Variants in GMPPA observed in about 807,000 individuals in gnomAD.
GMPPA encodes mannose-1-phosphate guanylyltransferase regulatory subunit alpha.
Under a neutral mutation model 58.6 loss-of-function variants are expected in GMPPA, and 46 were observed. The ratio of observed to expected loss-of-function variants is 0.78; its 90% CI spans 0.62 to 1.00. GMPPA has a LOEUF of 1.00. Ranked by LOEUF, GMPPA falls within the 50% of genes least tolerant of loss-of-function variation. The pLI, the probability that GMPPA is intolerant of heterozygous loss-of-function variation, is 0.00. For synonymous variants in GMPPA, 211 were observed against 214.9 expected (o/e 0.98, Z 0.16); for missense variants, 468 against 556.4 (o/e 0.84, Z 1.60).
At position 219,504,059 on chromosome 2, in the gene GMPPA, G is replaced by A. The variant is rs774725122; in HGVS notation, c.490-24G>A. 2.5e-6 allele frequency: 4 copies of A among 1,613,882 alleles called. No individual in the cohort carries two copies. In the South Asian group the frequency reaches 4.4e-5, roughly 18 times the overall value. ...TGTGGCGGTAGTCCCTTCTTCTACT[G>A]AACCCAGCCTGCTCTGTCCTCAGGT... On this transcript the variant is annotated intron_variant, in intron 6 of 12. Coordinates refer to ENST00000313597, the MANE Select transcript of GMPPA (RefSeq NM_013335.4).
chr2:219,500,229 G>A lies in GMPPA; in HGVS notation c.138+11G>A. ...GAAGCCTGTGCCCAGGTAACCTCAGGGGCTCCCCTCTCTCACCTCACTTCC... is the reference window on the plus strand; with the variant it reads ...GAAGCCTGTGCCCAGGTAACCTCAGAGGCTCCCCTCTCTCACCTCACTTCC... On this transcript the variant is annotated intron_variant, in intron 3 of 12. Transcript: ENST00000313597. The A allele has an allele frequency of 6.9e-7, 1 of 1,451,160 alleles. No individual in the cohort carries two copies. The highest frequency in any genetic ancestry group is 2.4e-5 in the East Asian group (1 of 41,920). The allele number at this position is 1,451,160 out of a possible 1,614,324, so 89.9% of individuals were successfully genotyped here.
In GMPPA at chr2:219,506,463, C is replaced by G. The variant is rs540776446; in HGVS notation, c.1162+41C>G. ...GGCCAGGGCTGGGGGAACCCCTCAGCTGATGGCCAGTGGCCCCGGGGAGCA... is the reference window on the plus strand; with the variant it reads ...GGCCAGGGCTGGGGGAACCCCTCAGGTGATGGCCAGTGGCCCCGGGGAGCA... On this transcript the variant is annotated intron_variant, in intron 12 of 12. Transcript: ENST00000313597. The G allele has an allele frequency of 3.8e-6, 6 of 1,569,702 alleles. No individual in the cohort carries two copies. The African/African-American group carries it at 8.1e-5, about 21-fold the overall frequency.
intron 7 of GMPPA, 108 bp downstream of exon 7, chr2:219,504,321 CT>C (rs1694500761): frequency 2.0e-6 from 2 of 1,015,206 alleles, no homozygotes; most frequent in Non-Finnish European, 2.9e-6. Flanking sequence ...TCCTCCTCCC[CT>C]CTCCCTTCTC....
At chr2:219,506,676 G>A in intron 12 of GMPPA, 22 bp from the exon 13 acceptor site, 1 of 1,411,068 alleles carries the variant, frequency 7.1e-7, no homozygotes, top group Non-Finnish European at 1.0e-6. Flanking sequence ...GACCTCCCCT[G>A]GTGCCCTCAT....
chr2:219,504,093 A>G lies in GMPPA; in HGVS notation c.500A>G (p.Tyr167Cys). Residue 167 changes from tyrosine to cysteine, a missense_variant, in exon 7 of 13, where the codon TAT (tyrosine) becomes TGT (cysteine). Transcript: ENST00000313597. ...ENPQTHEVLHYVEKPSTFISD... is the reference protein window; with the variant it reads ...ENPQTHEVLHCVEKPSTFISD... ...CTGCTCTGTCCTCAGGTATTGCACT[A>G]TGTGGAGAAACCCAGCACATTTATC... 1 of 1,614,150 alleles carries G rather than the reference A, an allele frequency of 6.2e-7. No homozygotes were observed. Among genetic ancestry groups the G allele is most frequent in the Non-Finnish European group, 8.5e-7 (1 of 1,179,994 alleles).
intron 3 of GMPPA, chr2:219,500,570 T>G: frequency 7.2e-6 from 2 of 277,446 alleles, no homozygotes; most frequent in African/African-American, 2.1e-5. Context: ...CATTTCTTTA[T>G]TGCTTTTCGT....
At chr2:219,503,436 T>G (rs1311365244) in intron 6 of GMPPA, among the ~76,000 whole-genome samples, 1 of 152,192 alleles carries the variant, frequency 6.6e-6, no homozygotes, top group Admixed American at 6.5e-5. Flanking sequence ...CGTCACATAC[T>G]CCTTTTATTT....
chr2:219,506,386 A>G lies in GMPPA; in HGVS notation c.1126A>G (p.Lys376Glu). 1.2e-6 allele frequency: 2 copies of G among 1,613,414 alleles called. No homozygotes were observed. Among genetic ancestry groups the G allele is most frequent in the Non-Finnish European group, 1.7e-6 (2 of 1,179,908 alleles). ...CCGCATGGACAGTGAGAGCCTCTTC[A>G]AGGACGGGAAGCTGCTGCCTGCTAT... ...RARMDSESLFKDGKLLPAITI... is the reference protein window; with the variant it reads ...RARMDSESLFEDGKLLPAITI... The change falls in exon 12 of 13, where the codon AAG (lysine) becomes GAG (glutamate). Residue 376 changes from lysine to glutamate, a missense_variant. Transcript: ENST00000313597.
Position 219,501,599 on chromosome 2 carries a change from T to A in GMPPA, c.242+20T>A. 7.1e-7 allele frequency: 1 copy of A among 1,408,034 alleles called. No individual in the cohort carries two copies. Among genetic ancestry groups the A allele is most frequent in the Non-Finnish European group, 1.0e-6 (1 of 991,838 alleles). 87.2% of individuals were successfully genotyped at this position (1,408,034 alleles called of 1,614,324 possible). A position where few individuals can be genotyped will look rare whatever the true frequency, so the allele number is the denominator to read the frequency against. On this transcript the variant is annotated intron_variant, in intron 4 of 12. Coordinates refer to ENST00000313597, the MANE Select transcript of GMPPA (RefSeq NM_013335.4). Reference sequence around the variant, plus strand: ...AGTCAGGTGTTTGTGCACACACTCGTATATGGGGGGGTGGGGATGCCCTAG... The same window carrying A: ...AGTCAGGTGTTTGTGCACACACTCGAATATGGGGGGGTGGGGATGCCCTAG...
At chr2:219,501,605 G>A (rs199889769) in intron 4 of GMPPA, 26 bp downstream of exon 4, 28 of 1,394,176 alleles carry the variant, frequency 2.0e-5, no homozygotes, top group Non-Finnish European at 2.7e-5. Flanking sequence ...CTCGTATATG[G>A]GGGGGTGGGG....
chr2:219,501,761 C>A, intron 4 of GMPPA, 90 bp from the exon 5 acceptor site: 1 of 1,186,166 alleles, frequency 8.4e-7, no homozygotes, highest in Non-Finnish European at 1.2e-6. Context: ...AGGAGTAGTC[C>A]TGGGAGCAAG....
rs1694450901 is a variant in GMPPA at position 219,502,911 on chromosome 2, T to G, written c.489+470T>G. 6.6e-6 allele frequency among the ~76,000 whole-genome samples: 1 copy of G among 152,170 alleles called. No individual in the cohort carries two copies. Among genetic ancestry groups the G allele is most frequent in the Non-Finnish European group, 1.5e-5 (1 of 68,018 alleles). On this transcript the variant is annotated intron_variant, in intron 6 of 12. Transcript: ENST00000313597. This position sits in a 1 kb window ranked among gnomAD's most constrained non-coding sequence, Gnocchi z 4.0. ...TGTCCTGTTTTGTGAAACTCCCTTC[T>G]CCTAAGCCCCTTGACTTTCACATAA...
Position 219,502,101 on chromosome 2 carries a change from G to A in GMPPA, c.429+64G>A. 6.4e-7 allele frequency: 1 copy of A among 1,555,408 alleles called. No homozygotes were observed. Among genetic ancestry groups the A allele is most frequent in the Non-Finnish European group, 8.8e-7 (1 of 1,135,508 alleles). ...GATCCCAAGAGCTTCCCGGAATTCA[G>A]GGTGTTGGGGAGGCAGGGGCGCCCC... On this transcript the variant is annotated intron_variant, in intron 5 of 12. Transcript: ENST00000313597. This position sits in a 1 kb window ranked among gnomAD's most constrained non-coding sequence, Gnocchi z 4.0.
At chr2:219,505,065 G>A (rs1035957146) in intron 7 of GMPPA, 163 bp from the exon 8 acceptor site, 3 of 896,116 alleles carry the variant, frequency 3.3e-6, no homozygotes, top group Non-Finnish European at 4.9e-6. Flanking sequence ...AGAGGTTCCT[G>A]GGATGTGAGC....
chr2:219,505,666 C>G, intron 9 of GMPPA, 49 bp from the exon 10 acceptor site: 1 of 1,604,576 alleles, frequency 6.2e-7, no homozygotes, highest in Non-Finnish European at 8.5e-7. Flanking sequence ...CCTTCCTGAT[C>G]AAATTCGGTT....
chr2:219,501,620 C>A (rs1166617997), intron 4 of GMPPA, 41 bp downstream of exon 4: 1 of 1,266,194 alleles, frequency 7.9e-7, no homozygotes, highest in Non-Finnish European at 1.2e-6. Context: ...GTGGGGATGC[C>A]CTAGGCCTCT....
At position 219,502,287 on chromosome 2, in the gene GMPPA, C is replaced by T. The variant is rs1263091279; in HGVS notation, c.430-95C>T. On this transcript the variant is annotated intron_variant, in intron 5 of 12. Coordinates refer to ENST00000313597, the MANE Select transcript of GMPPA (RefSeq NM_013335.4). This position sits in a 1 kb window ranked among gnomAD's most constrained non-coding sequence, Gnocchi z 4.0. ...TGAAGGCCTGTCAGTGGCAGAGCTG[C>T]ATGCCAGGTGCTGTAGCGGAGGGAA... The T allele has an allele frequency of 2.7e-6, 3 of 1,106,600 alleles. No individual in the cohort carries two copies. The highest frequency in any genetic ancestry group is 1.8e-5 in the Admixed American group (1 of 55,350). 68.5% of individuals were successfully genotyped at this position (1,106,600 alleles called of 1,614,324 possible).
chr2:219,501,716 T>A (rs1339697591), intron 4 of GMPPA, 135 bp from the exon 5 acceptor site: 1 of 905,220 alleles, frequency 1.1e-6, no homozygotes, highest in African/African-American at 1.7e-5. Flanking sequence ...TCAATGAATC[T>A]CTGAGTATAT....
At chr2:219,501,308 C>T in intron 3 of GMPPA, 168 bp from the exon 4 acceptor site, 1 of 623,800 alleles carries the variant, frequency 1.6e-6, no homozygotes, top group South Asian at 2.0e-5. Flanking sequence ...CCGACTTCCT[C>T]CAAATTCCTC....
Sources: allele counts gnomAD v4.1 joint callset (sites outside exome capture counted in the v4.1 genomes callset), GRCh38; gene constraint gnomAD v4.1.1; non-coding constraint Gnocchi (gnomAD v3.1); transcripts MANE v1.5; gene names NCBI Gene and HGNC (gene_info 2026-07-23, HGNC 2026-07-21).